NUMB: variants seen among roughly 807,000 people sequenced by gnomAD.
The protein encoded by NUMB is protein numb homolog.
A neutral mutation model predicts 59.7 loss-of-function variants in NUMB; 29 were observed. That is an observed-to-expected ratio of 0.49 (90% CI 0.36 to 0.66). NUMB has a LOEUF of 0.66. NUMB is among the 30% of genes least tolerant of loss of function. The pLI is 0.00. For synonymous variants in NUMB, 288 were observed against 288.2 expected (o/e 1.00, Z 0.01); for missense variants, 723 against 822.0 (o/e 0.88, Z 1.47).
At chr14:73,358,639 C>T (rs191317765) in intron 3 of NUMB, among the ~76,000 whole-genome samples, 1,560 of 148,002 alleles carry the variant, frequency 0.011, 19 homozygotes, top group Non-Finnish European at 0.018. Context: ...AAGCCCCTAC[C>T]TGGCTTGGTT....
chr14:73,384,235 C>T (rs1313965719), intron 2 of NUMB, among the ~76,000 whole-genome samples: 4 of 151,214 alleles, frequency 2.6e-5, no homozygotes, highest in Non-Finnish European at 2.9e-5. Flanking sequence ...ACTATAGGGG[C>T]CCACCACCAT....
intron 2 of NUMB, among the ~76,000 whole-genome samples, chr14:73,405,233 C>G (rs1469079839): frequency 1.3e-5 from 2 of 152,072 alleles, no homozygotes; most frequent in African/African-American, 2.4e-5. Flanking sequence ...TTCCAACTAT[C>G]CCCAAACTAG....
chr14:73,426,019 A>G (rs1897562115), intron 1 of NUMB, among the ~76,000 whole-genome samples: 1 of 152,028 alleles, frequency 6.6e-6, no homozygotes, highest in South Asian at 2.1e-4. Context: ...CATGTTCTCC[A>G]GTCTAGTCTC....
At chr14:73,293,888 C>T (rs954314202) in intron 7 of NUMB, among the ~76,000 whole-genome samples, 1 of 152,194 alleles carries the variant, frequency 6.6e-6, no homozygotes, top group South Asian at 2.1e-4. Context: ...CAAAACAATA[C>T]AATGACTCAA....
intron 7 of NUMB, 101 bp from the exon 8 acceptor site, chr14:73,292,975 A>G: frequency 8.5e-7 from 1 of 1,174,096 alleles, no homozygotes; most frequent in Non-Finnish European, 1.2e-6. Flanking sequence ...CATACATCTG[A>G]TACAACTAGG....
intron 1 of NUMB, among the ~76,000 whole-genome samples, chr14:73,451,434 T>TA (rs71872203): frequency 0.055 from 6,116 of 111,414 alleles, 340 homozygotes; most frequent in African/African-American, 0.13. Flanking sequence ...AGACACCGTC[T>TA]AAAAAAAAAA....
At chr14:73,316,498 C>T in intron 5 of NUMB, 76 bp from the exon 6 acceptor site, 1 of 1,386,298 alleles carries the variant, frequency 7.2e-7, no homozygotes, top group Non-Finnish European at 1.0e-6. Context: ...CCAATAAGCA[C>T]ATACAGAAAT....
At chr14:73,391,857 G>A (rs916317015) in intron 2 of NUMB, among the ~76,000 whole-genome samples, 12 of 152,170 alleles carry the variant, frequency 7.9e-5, no homozygotes, top group African/African-American at 2.4e-4. Flanking sequence ...ACAGAATTGG[G>A]TTCTACTCAA....
chr14:73,395,092 T>TGTGTGTGTGTGTGTGTG (rs1896064910), intron 2 of NUMB, among the ~76,000 whole-genome samples: 11 of 141,750 alleles, frequency 7.8e-5, no homozygotes, highest in Non-Finnish European at 7.6e-5. Context: ...TGTGTGTGTG[T>TGTGTGTGTGTGTGTGTG]TACATGTGGC....
intron 2 of NUMB, among the ~76,000 whole-genome samples, chr14:73,373,075 C>T (rs955895115): frequency 2.0e-5 from 3 of 152,152 alleles, no homozygotes; most frequent in Non-Finnish European, 4.4e-5. Flanking sequence ...CTCTCACTGA[C>T]GTTGGAATAG....
intron 2 of NUMB, among the ~76,000 whole-genome samples, chr14:73,385,866 T>C (rs541369705): frequency 2.0e-5 from 3 of 152,238 alleles, no homozygotes; most frequent in South Asian, 4.1e-4. Context: ...ATCGGAGTAA[T>C]TGAAAAATTC....
intron 4 of NUMB, among the ~76,000 whole-genome samples, chr14:73,332,134 A>G (rs1298873827): frequency 6.6e-6 from 1 of 152,114 alleles, no homozygotes; most frequent in Non-Finnish European, 1.5e-5. Context: ...TGGATTGTAA[A>G]GCCCACAGGA....
At position 73,300,839 on chromosome 14, in the gene NUMB, T is replaced by A. The variant is rs1484760194; in HGVS notation, c.235-3554A>T. 3.3e-5 allele frequency among the ~76,000 whole-genome samples: 5 copies of A among 152,110 alleles called. No individual in the cohort carries two copies. In the East Asian group the frequency reaches 9.6e-4, roughly 29 times the overall value. On this transcript the variant is annotated intron_variant, in intron 6 of 12. Transcript: ENST00000555238. ...CCCCACAACAGGCCTCGGTGTGTGA[T>A]GTCCCCCTACCTGTGTCCAAGTGTT...
rs1888436087 is a variant in NUMB, at chr14:73,279,289, G to A, written c.1232C>T (p.Thr411Ile). The change falls in exon 12 of 13, where the codon ACA (threonine) becomes ATA (isoleucine). Residue 411 changes from threonine to isoleucine, a missense_variant. Coordinates refer to ENST00000555238, the MANE Select transcript of NUMB (RefSeq NM_001005743.2). ...ATCTGTGGCCACCTTACCCGAACATGTGGCTGCAATTTCCTTGTTAGCAGC... is the reference window on the plus strand; with the variant it reads ...ATCTGTGGCCACCTTACCCGAACATATGGCTGCAATTTCCTTGTTAGCAGC... ...PDAANKEIAA[T>I]CSGTEWGQSS... is the part of the protein sequence containing the mutation. The A allele has an allele frequency of 6.2e-7, 1 of 1,614,162 alleles. No homozygotes were observed. Among genetic ancestry groups the A allele is most frequent in the South Asian group, 1.1e-5 (1 of 91,086 alleles).
intron 2 of NUMB, among the ~76,000 whole-genome samples, chr14:73,404,110 C>T (rs1456066709): frequency 2.0e-5 from 3 of 150,056 alleles, no homozygotes; most frequent in Non-Finnish European, 3.0e-5. Context: ...GGCATGGTGG[C>T]GCATGTCTGT....
intron 4 of NUMB, among the ~76,000 whole-genome samples, chr14:73,352,501 TA>T (rs1893413847): frequency 3.1e-4 from 4 of 12,700 alleles, no homozygotes; most frequent in African/African-American, 1.8e-3. Context: ...TATATATATA[TA>T]TATATATATA....
At chr14:73,351,646 T>C (rs1483366322) in intron 4 of NUMB, among the ~76,000 whole-genome samples, 1 of 151,986 alleles carries the variant, frequency 6.6e-6, no homozygotes, top group East Asian at 1.9e-4. Flanking sequence ...CACACCAATA[T>C]GAGTATACTT....
At chr14:73,376,162 T>C (rs1479140111) in intron 2 of NUMB, among the ~76,000 whole-genome samples, 2 of 152,170 alleles carry the variant, frequency 1.3e-5, no homozygotes, top group Non-Finnish European at 2.9e-5. Context: ...CCTGAAAGAA[T>C]CAATGAAAAA....
At chr14:73,320,396 T>C (rs1891340601) in intron 5 of NUMB, among the ~76,000 whole-genome samples, 1 of 152,190 alleles carries the variant, frequency 6.6e-6, no homozygotes, top group African/African-American at 2.4e-5. Flanking sequence ...AAAACTTTCT[T>C]TTTTATTATT....
Sources: allele counts gnomAD v4.1 joint callset (sites outside exome capture counted in the v4.1 genomes callset), GRCh38; gene constraint gnomAD v4.1.1; transcripts MANE v1.5; gene names NCBI Gene and HGNC (gene_info 2026-07-23, HGNC 2026-07-21).